Variants in EDAR observed in about 807,000 individuals in gnomAD.
The protein encoded by EDAR is tumor necrosis factor receptor superfamily member EDAR.
In EDAR, 38 loss-of-function variants were observed where a neutral mutation model predicts 51.3. The observed-to-expected ratio is 0.74, with a 90% confidence interval of 0.57 to 0.97. The LOEUF is 0.97. EDAR is among the 50% of genes least tolerant of loss of function. The pLI is 0.00. For missense variants in EDAR, 528 were observed against 595.0 expected (o/e 0.89, Z 1.17); for synonymous variants, 227 against 242.1 (o/e 0.94, Z 0.58).
At chr2:108,919,263 C>T (rs1697086758) in intron 5 of EDAR, among the ~76,000 whole-genome samples, 3 of 152,314 alleles carry the variant, frequency 2.0e-5, no homozygotes, top group Middle Eastern at 3.4e-3. Context: ...AAAAGGCCAG[C>T]CTGCTCTGGA....
intron 5 of EDAR, among the ~76,000 whole-genome samples, chr2:108,915,884 C>T (rs535367243): frequency 4.0e-5 from 6 of 150,686 alleles, no homozygotes; most frequent in Admixed American, 1.3e-4. Context: ...GCAACAAGAG[C>T]GAAACTCCAT....
At chr2:108,939,310 C>T (rs1558821002) in intron 1 of EDAR, among the ~76,000 whole-genome samples, 1 of 151,950 alleles carries the variant, frequency 6.6e-6, no homozygotes, top group South Asian at 2.1e-4. Flanking sequence ...CCTCAGCCTC[C>T]GTAGTAGCTG....
chr2:108,988,421 C>A (rs1267556463), intron 1 of EDAR, among the ~76,000 whole-genome samples: 2 of 152,100 alleles, frequency 1.3e-5, no homozygotes, highest in Non-Finnish European at 2.9e-5. Context: ...CAAATAGGTA[C>A]CCACTCCCCT....
At chr2:108,906,629 C>T (rs1484473730) in intron 10 of EDAR, among the ~76,000 whole-genome samples, 1 of 152,220 alleles carries the variant, frequency 6.6e-6, no homozygotes, top group African/African-American at 2.4e-5. Flanking sequence ...CTTGGGGACA[C>T]CCCTGGCATC....
intron 1 of EDAR, among the ~76,000 whole-genome samples, chr2:108,937,131 G>A (rs1314462958): frequency 6.6e-6 from 1 of 152,226 alleles, no homozygotes; most frequent in Non-Finnish European, 1.5e-5. Context: ...GAAGTGACTG[G>A]CAACAGAGCA....
At chr2:108,971,064 C>T (rs760043435) in intron 1 of EDAR, among the ~76,000 whole-genome samples, 9 of 152,044 alleles carry the variant, frequency 5.9e-5, no homozygotes, top group South Asian at 2.1e-4. Flanking sequence ...TCACAGGGTC[C>T]GGCGAGACCG....
chr2:108,910,928 G>T lies in EDAR; in HGVS notation c.655+19C>A. 1 of 1,614,104 alleles carries T rather than the reference G, an allele frequency of 6.2e-7. No individual in the cohort carries two copies. On this transcript the variant is annotated intron_variant, in intron 7 of 11. Coordinates refer to ENST00000258443, the MANE Select transcript of EDAR (RefSeq NM_022336.4). ...CGGAGAGTCCAGGAAGCAGGGCACC[G>T]GCGCATGGGGGCCGTCACCTGGGGC...
rs1216482046 is a variant in EDAR at position 108,930,174 on chromosome 2, A to G, written c.120T>C (p.Thr40=). 1 of 1,614,062 alleles carries G rather than the reference A, an allele frequency of 6.2e-7. No individual in the cohort carries two copies. The highest frequency in any genetic ancestry group is 1.7e-5 in the Admixed American group (1 of 60,018). Residue 40 remains threonine, a synonymous_variant, in exon 3 of 12, where the codon ACT becomes ACC. Transcript: ENST00000258443. ...GGGGGCACTCCTGGCACAGCCCCGT[A>G]GTCTGGTTGTAGTACTCGTTCTCAC... The part of the protein sequence containing the change: ...NCGENEYYNQ[T]TGLCQECPPC...
intron 1 of EDAR, among the ~76,000 whole-genome samples, chr2:108,947,342 T>G (rs1226050738): frequency 6.6e-6 from 1 of 152,160 alleles, no homozygotes; most frequent in South Asian, 2.1e-4. Flanking sequence ...TCCAAGTGCA[T>G]GGTGCAAGCT....
At chr2:108,982,642 G>A (rs956413526) in intron 1 of EDAR, among the ~76,000 whole-genome samples, 7 of 152,206 alleles carry the variant, frequency 4.6e-5, no homozygotes, top group Non-Finnish European at 1.5e-5. Flanking sequence ...AGAGTGCTGT[G>A]TGTGGTCTGT....
chr2:108,948,939 G>A (rs1697769309), intron 1 of EDAR, among the ~76,000 whole-genome samples: 1 of 152,142 alleles, frequency 6.6e-6, no homozygotes, highest in Admixed American at 6.5e-5. Context: ...ACAAGACAGT[G>A]AGACCCCCAT....
intron 9 of EDAR, among the ~76,000 whole-genome samples, chr2:108,908,907 T>TG (rs1207206659): frequency 6.6e-6 from 1 of 152,046 alleles, no homozygotes; most frequent in Non-Finnish European, 1.5e-5. Context: ...GAAGCCCCAG[T>TG]GGGACCCACT....
At position 108,929,280 on chromosome 2, in the gene EDAR, CTT is replaced by C; in HGVS notation, c.272_273del (p.Lys91ArgfsTer3). Reference protein sequence around the residue: ...KGGYQICRRHKDCEGFFRATV... With the variant: ...KGGYQICRRHXDCEGFFRATV... ...GTGGCCCGGAAGAAGCCCTCACAGT[CTT>C]TGTGACGCCTGCATATCTGGTAGCC... On this transcript the variant is annotated frameshift_variant, in exon 4 of 12. Transcript: ENST00000258443. LOFTEE classifies it high-confidence loss of function. The C allele has an allele frequency of 6.2e-7, 1 of 1,614,224 alleles. No individual in the cohort carries two copies. Among genetic ancestry groups the C allele is most frequent in the South Asian group, 1.1e-5 (1 of 91,088 alleles).
At chr2:108,983,618 G>C (rs1370267647) in intron 1 of EDAR, among the ~76,000 whole-genome samples, 1 of 152,154 alleles carries the variant, frequency 6.6e-6, no homozygotes, top group Non-Finnish European at 1.5e-5. Flanking sequence ...GGAGTTCCCA[G>C]AGACAGGTAT....
chr2:108,971,560 A>G (rs17034717), intron 1 of EDAR, among the ~76,000 whole-genome samples: 11,599 of 151,832 alleles, frequency 0.076, 1,138 homozygotes, highest in African/African-American at 0.23. Flanking sequence ...AATGTTTAGT[A>G]AATAAATACC....
chr2:108,980,296 T>C (rs1698397644), intron 1 of EDAR, among the ~76,000 whole-genome samples: 1 of 152,020 alleles, frequency 6.6e-6, no homozygotes. Context: ...GTGAGTCACA[T>C]CCCGAAACCT....
chr2:108,938,786 T>TGGGGCCC, intron 1 of EDAR, among the ~76,000 whole-genome samples: 1 of 130,794 alleles, frequency 7.6e-6, no homozygotes, highest in African/African-American at 2.9e-5. Context: ...TAGGACTTCT[T>TGGGGCCC]CCCCCCCCGC....
chr2:108,931,217 C>T (rs2105449234), intron 1 of EDAR, among the ~76,000 whole-genome samples, 185 bp from the exon 2 acceptor site: 1 of 152,360 alleles, frequency 6.6e-6, no homozygotes, highest in Non-Finnish European at 1.5e-5. Context: ...GACTCTGGGG[C>T]CTTCCCAGCC....
At chr2:108,912,618 T>G in intron 6 of EDAR, 60 bp downstream of exon 6, 7 of 1,463,270 alleles carry the variant, frequency 4.8e-6, no homozygotes, top group Middle Eastern at 1.7e-4. Context: ...TCTCCTCTTC[T>G]GAGCTTTCAT....
Sources: gnomAD v4.1 joint callset for allele counts (sites outside exome capture counted in the v4.1 genomes callset) on GRCh38, gnomAD v4.1.1 for gene constraint, MANE v1.5 for transcripts, NCBI Gene and HGNC (gene_info 2026-07-23, HGNC 2026-07-21) for gene names.